MCUB: variants seen among roughly 807,000 people sequenced by gnomAD.
MCUB encodes calcium uniporter regulatory subunit MCUb, mitochondrial.
A neutral mutation model predicts 41.4 loss-of-function variants in MCUB; 46 were observed. That is an observed-to-expected ratio of 1.11 (90% CI 0.88 to 1.42). MCUB has a LOEUF of 1.42. Among genes scored for constraint, MCUB ranks in the 40% most tolerant of loss-of-function variants. MCUB has a pLI of 0.00. For missense variants in MCUB, 403 were observed against 404.9 expected, an observed-to-expected ratio of 1.00 and a Z score of 0.04; for synonymous variants, 148 against 148.2, an observed-to-expected ratio of 1.00 and a Z score of 0.01.
rs889416264 is a variant in MCUB, at chr4:109,620,421, G to A, written c.100-38590G>A. 4.7e-5 allele frequency among the ~76,000 whole-genome samples: 7 copies of A among 150,518 alleles called. No individual in the cohort carries two copies. The Admixed American group carries it at 4.7e-4, about 10-fold the overall frequency. On this transcript the variant is annotated intron_variant, in intron 1 of 7. Coordinates refer to ENST00000394650, the MANE Select transcript of MCUB (RefSeq NM_017918.5). Reference sequence around the variant, plus strand: ...ATTTTATTCAATTGTATCATAGAAGGATTTTAGTTGCCCCTCCCTTGACCC... The same window carrying A: ...ATTTTATTCAATTGTATCATAGAAGAATTTTAGTTGCCCCTCCCTTGACCC...
intron 4 of MCUB, among the ~76,000 whole-genome samples, chr4:109,673,316 C>A (rs1335124527): frequency 6.6e-6 from 1 of 152,220 alleles, no homozygotes; most frequent in Non-Finnish European, 1.5e-5. Context: ...CCTCAAACCA[C>A]CACATGGACC....
intron 1 of MCUB, among the ~76,000 whole-genome samples, chr4:109,645,523 A>G (rs867300265): frequency 2.0e-5 from 3 of 152,120 alleles, no homozygotes; most frequent in African/African-American, 4.8e-5. Flanking sequence ...GAAAAAAAAA[A>G]AAAACTTCCC....
chr4:109,588,403 T>C (rs2126128084), intron 1 of MCUB, among the ~76,000 whole-genome samples: 1 of 152,270 alleles, frequency 6.6e-6, no homozygotes, highest in Non-Finnish European at 1.5e-5. Flanking sequence ...GCAGTGAGAA[T>C]GAGCTCGGTA....
At chr4:109,560,518 C>T (rs1726596481) in intron 1 of MCUB, 82 bp downstream of exon 1, 1 of 631,244 alleles carries the variant, frequency 1.6e-6, no homozygotes, top group Non-Finnish European at 2.3e-6. Context: ...GGAGCAAAAG[C>T]CGAGCGGCCG....
At chr4:109,651,313 C>T (rs901176349) in intron 1 of MCUB, among the ~76,000 whole-genome samples, 14 of 152,140 alleles carry the variant, frequency 9.2e-5, no homozygotes, top group Non-Finnish European at 2.1e-4. Flanking sequence ...TTCCATCATC[C>T]ATTGAGCACT....
rs1259349332 is a variant in MCUB, at chr4:109,688,517, TGTGGTA to T, written c.*926_*931del. The stretch of plus-strand genomic sequence containing the variant: ...GTAGGAATTAAAGTCATACACAAAA[TGTGGTA>T]ATTCATATGTAGATGAAATATTAAA... On this transcript the variant is annotated 3_prime_UTR_variant, in exon 8 of 8. Transcript: ENST00000394650. 6.6e-6 allele frequency: 1 copy of T among 152,224 alleles called. No individual in the cohort carries two copies. 9.4% of individuals were successfully genotyped at this position (152,224 alleles called of 1,614,324 possible). A position where few individuals can be genotyped will look rare whatever the true frequency, so the allele number is the denominator to read the frequency against.
At chr4:109,637,605 C>G (rs1728622921) in intron 1 of MCUB, among the ~76,000 whole-genome samples, 4 of 152,150 alleles carry the variant, frequency 2.6e-5, no homozygotes, top group Admixed American at 2.6e-4. Flanking sequence ...TTTGCAACAA[C>G]CTGGATGGAA....
intron 1 of MCUB, among the ~76,000 whole-genome samples, chr4:109,620,899 CTT>C (rs11408621): frequency 6.8e-6 from 1 of 146,186 alleles, no homozygotes; most frequent in Admixed American, 6.8e-5. Flanking sequence ...CATTCTTCTT[CTT>C]TTTTTTTTTT....
At chr4:109,613,844 G>T (rs970113018) in intron 1 of MCUB, among the ~76,000 whole-genome samples, 2 of 68,506 alleles carry the variant, frequency 2.9e-5, no homozygotes, top group East Asian at 3.0e-4. Flanking sequence ...GAGAAATCAG[G>T]TATATACTCT....
chr4:109,594,358 C>T lies in MCUB; in HGVS notation c.99+33922C>T, dbSNP rs116941850. 3.6e-3 allele frequency among the ~76,000 whole-genome samples: 548 copies of T among 152,304 alleles called. 7 individuals carry two copies. Among genetic ancestry groups the T allele is most frequent in the East Asian group, 0.014 (71 of 5,188 alleles). On this transcript the variant is annotated intron_variant, in intron 1 of 7. Coordinates refer to ENST00000394650, the MANE Select transcript of MCUB (RefSeq NM_017918.5). ...GGAATGTCATAATAGGCCTAGTGGC[C>T]TGCTAGCCTCAGATTTCCAAAGCTT... is the stretch of plus-strand genomic sequence containing the variant.
chr4:109,638,767 T>A (rs1054187169), intron 1 of MCUB, among the ~76,000 whole-genome samples: 4 of 152,210 alleles, frequency 2.6e-5, no homozygotes, highest in South Asian at 2.1e-4. Flanking sequence ...TTATTCTAAA[T>A]CCTTTGTTAT....
chr4:109,603,213 A>G (rs568719164), intron 1 of MCUB, among the ~76,000 whole-genome samples: 1 of 152,228 alleles, frequency 6.6e-6, no homozygotes, highest in Non-Finnish European at 1.5e-5. Flanking sequence ...CTCCTGCCTC[A>G]GCCTGCCGAG....
chr4:109,571,889 T>G (rs550851600), intron 1 of MCUB, among the ~76,000 whole-genome samples: 1 of 152,378 alleles, frequency 6.6e-6, no homozygotes, highest in African/African-American at 2.4e-5. Flanking sequence ...TCAAGAAGGC[T>G]GAGATATGTA....
Position 109,665,465 on chromosome 4 carries a change from T to C in MCUB, c.451+1071T>C, listed in dbSNP as rs901849268. ...AACCTGTCTATGACATTAAGAATTA[T>C]ACAGAATAGGGCCAGGCAAACTCTA... On this transcript the variant is annotated intron_variant, in intron 4 of 7. Transcript: ENST00000394650. Among the ~76,000 whole-genome samples, 6 of 152,292 alleles carry C rather than the reference T, an allele frequency of 3.9e-5. 1 individual carries two copies. The highest frequency in any genetic ancestry group is 6.5e-5 in the Admixed American group (1 of 15,292).
chr4:109,637,659 C>G (rs889766030), intron 1 of MCUB, among the ~76,000 whole-genome samples: 18 of 152,130 alleles, frequency 1.2e-4, no homozygotes, highest in African/African-American at 3.1e-4. Flanking sequence ...GAATGGAAAA[C>G]CAAACATTTT....
chr4:109,682,765 T>C (rs756803398), intron 5 of MCUB, 23 bp downstream of exon 5: 1 of 1,584,038 alleles, frequency 6.3e-7, no homozygotes, highest in Non-Finnish European at 8.6e-7. Flanking sequence ...CACGGTTGAG[T>C]ATATTTGAAA....
intron 1 of MCUB, among the ~76,000 whole-genome samples, chr4:109,598,771 G>A (rs1316861728): frequency 6.6e-6 from 1 of 152,202 alleles, no homozygotes; most frequent in East Asian, 1.9e-4. Flanking sequence ...TATTGAGTTC[G>A]TTTCCTTTTA....
intron 4 of MCUB, among the ~76,000 whole-genome samples, chr4:109,671,734 T>C (rs1365315839): frequency 6.6e-6 from 1 of 152,248 alleles, no homozygotes; most frequent in African/African-American, 2.4e-5. Context: ...ATGCTTGTTT[T>C]GTCTCTTCAA....
chr4:109,631,283 A>G (rs1311636159), intron 1 of MCUB, among the ~76,000 whole-genome samples: 1 of 152,128 alleles, frequency 6.6e-6, no homozygotes, highest in East Asian at 1.9e-4. Context: ...ATGTCAACAC[A>G]TTTCTAGTTG....
Sources: allele counts gnomAD v4.1 joint callset (sites outside exome capture counted in the v4.1 genomes callset), GRCh38; gene constraint gnomAD v4.1.1; transcripts MANE v1.5; gene names NCBI Gene and HGNC (gene_info 2026-07-23, HGNC 2026-07-21).